Variants in MARCHF1 observed in about 807,000 individuals in gnomAD.
MARCHF1 encodes membrane associated ring-CH-type finger 1.
MARCHF1 carries 40 observed loss-of-function variants against 54.2 expected under a neutral mutation model. That is an observed-to-expected ratio of 0.74 (90% CI 0.57 to 0.96). MARCHF1 has a LOEUF of 0.96. Ranked by LOEUF, MARCHF1 falls within the 40% of genes least tolerant of loss-of-function variation. The probability of loss-of-function intolerance (pLI) is 0.00; values close to 1 mark genes in which losing one functional copy is unlikely to be tolerated. For missense variants in MARCHF1, 586 were observed against 656.5 expected (o/e 0.89, Z 1.17); for synonymous variants, 236 against 236.3 (o/e 1.00, Z 0.01).
intron 4 of MARCHF1, among the ~76,000 whole-genome samples, chr4:163,744,485 A>C (rs1394192956): frequency 1.3e-5 from 2 of 152,222 alleles, no homozygotes; most frequent in African/African-American, 4.8e-5. Flanking sequence ...CGGAATTTGC[A>C]GTTACTTAAG....
chr4:164,161,525 A>AATCATCATC (rs71600682), intron 1 of MARCHF1, among the ~76,000 whole-genome samples: 3,614 of 149,548 alleles, frequency 0.024, 59 homozygotes, highest in Non-Finnish European at 0.037. Flanking sequence ...GTGATATCAA[A>AATCATCATC]ATCATCATCA....
intron 1 of MARCHF1, among the ~76,000 whole-genome samples, chr4:164,122,094 A>G (rs982696035): frequency 1.3e-5 from 2 of 152,154 alleles, no homozygotes; most frequent in Non-Finnish European, 2.9e-5. Context: ...GACAAAAACC[A>G]TATGACCATT....
chr4:164,127,636 TAACTCACTTATTATAG>T, intron 1 of MARCHF1, among the ~76,000 whole-genome samples: 1 of 152,012 alleles, frequency 6.6e-6, no homozygotes, highest in Non-Finnish European at 1.5e-5. Flanking sequence ...TGAGAGGGAA[TAACTCACTTATTATAG>T]AAGTGATGAG....
chr4:164,315,722 GA>G (rs2111444598), intron 1 of MARCHF1, among the ~76,000 whole-genome samples: 1 of 152,292 alleles, frequency 6.6e-6, no homozygotes, highest in African/African-American at 2.4e-5. Context: ...CTAGAGCATT[GA>G]GAGGTATTGG....
At chr4:163,555,973 A>G in intron 8 of MARCHF1, 1 of 456,274 alleles carries the variant, frequency 2.2e-6, no homozygotes, top group Non-Finnish European at 4.4e-6. Flanking sequence ...AAGCACAGAC[A>G]CTGGGAAGAT....
At chr4:164,097,051 T>C (rs980835344) in intron 2 of MARCHF1, among the ~76,000 whole-genome samples, 74 of 152,174 alleles carry the variant, frequency 4.9e-4, no homozygotes, top group African/African-American at 1.8e-3. Flanking sequence ...CTGTTCACTA[T>C]AATTAAGACT....
At chr4:164,006,394 A>G (rs1753288638) in intron 2 of MARCHF1, among the ~76,000 whole-genome samples, 1 of 152,178 alleles carries the variant, frequency 6.6e-6, no homozygotes, top group Admixed American at 6.5e-5. Flanking sequence ...AAGCTTGAAG[A>G]CTAGCTATGT....
chr4:163,765,847 CATATAG>C (rs1309527201), intron 4 of MARCHF1, among the ~76,000 whole-genome samples: 3 of 143,956 alleles, frequency 2.1e-5, no homozygotes, highest in Non-Finnish European at 4.5e-5. Flanking sequence ...GATATAGATA[CATATAG>C]ATATATATAC....
At chr4:164,121,445 T>C (rs1036641348) in intron 1 of MARCHF1, among the ~76,000 whole-genome samples, 3 of 152,096 alleles carry the variant, frequency 2.0e-5, no homozygotes, top group African/African-American at 4.8e-5. Context: ...CACGTCCTTC[T>C]TCACAAGGCA....
chr4:164,012,941 C>T (rs1352251298), intron 2 of MARCHF1, among the ~76,000 whole-genome samples: 1 of 152,126 alleles, frequency 6.6e-6, no homozygotes, highest in Non-Finnish European at 1.5e-5. Context: ...CAAGCCCAGA[C>T]TGTGAAGATT....
intron 1 of MARCHF1, among the ~76,000 whole-genome samples, chr4:164,247,408 G>A (rs1460646045): frequency 1.3e-5 from 2 of 151,122 alleles, no homozygotes; most frequent in African/African-American, 4.9e-5. Context: ...ATTGAACAAT[G>A]AGATCACATG....
intron 4 of MARCHF1, among the ~76,000 whole-genome samples, chr4:163,848,562 A>T (rs1749551625): frequency 6.6e-6 from 1 of 152,146 alleles, no homozygotes; most frequent in South Asian, 2.1e-4. Context: ...CTCTCATTTT[A>T]AATTTAATAT....
At chr4:164,059,707 G>A (rs1048962781) in intron 2 of MARCHF1, among the ~76,000 whole-genome samples, 8 of 151,994 alleles carry the variant, frequency 5.3e-5, no homozygotes, top group Admixed American at 6.6e-5. Context: ...ATGATGCTGG[G>A]TATTTTTTTA....
chr4:163,791,964 T>C (rs1561079714), intron 4 of MARCHF1, among the ~76,000 whole-genome samples: 1 of 152,114 alleles, frequency 6.6e-6, no homozygotes, highest in African/African-American at 2.4e-5. Context: ...GCCCAGACAA[T>C]AACTGTTTCT....
At chr4:163,920,742 G>A (rs548466331) in intron 3 of MARCHF1, among the ~76,000 whole-genome samples, 1 of 152,198 alleles carries the variant, frequency 6.6e-6, no homozygotes, top group East Asian at 1.9e-4. Context: ...CTATAATTTT[G>A]TATTTTAATA....
rs36007870 is a variant in MARCHF1, at chr4:164,161,545, TCAGCAGCAG to T, written c.-322-49892_-322-49884del. Among the ~76,000 whole-genome samples the T allele has an allele frequency of 5.4e-4, 82 of 150,902 alleles. No individual in the cohort carries two copies. In the East Asian group the frequency reaches 8.3e-3, roughly 15 times the overall value. Reference sequence around the variant, plus strand: ...ATCAAAATCATCATCATCATCATCATCAGCAGCAGCAGCAGCAGCAGCAGCAGCAGGCCA... The same window carrying T: ...ATCAAAATCATCATCATCATCATCATCAGCAGCAGCAGCAGCAGCAGGCCA... On this transcript the variant is annotated intron_variant, in intron 1 of 9. Transcript: ENST00000514618.
intron 3 of MARCHF1, among the ~76,000 whole-genome samples, chr4:163,944,088 T>A (rs912193028): frequency 2.0e-5 from 3 of 150,176 alleles, no homozygotes; most frequent in Non-Finnish European, 4.4e-5. Context: ...TGCCTCAGCC[T>A]CCCGAGTGGC....
intron 1 of MARCHF1, among the ~76,000 whole-genome samples, chr4:164,364,700 T>C (rs971943973): frequency 6.6e-5 from 10 of 151,912 alleles, no homozygotes; most frequent in Middle Eastern, 3.2e-3. Flanking sequence ...TCCTTTTTTT[T>C]TTTAAATAAA....
intron 8 of MARCHF1, among the ~76,000 whole-genome samples, chr4:163,580,613 T>C (rs948954992): frequency 1.3e-5 from 2 of 152,288 alleles, no homozygotes; most frequent in African/African-American, 4.8e-5. Flanking sequence ...TTTCAAGATA[T>C]AGAAGTTGTT....
Sources: gnomAD v4.1 joint callset for allele counts (sites outside exome capture counted in the v4.1 genomes callset) on GRCh38, gnomAD v4.1.1 for gene constraint, MANE v1.5 for transcripts, NCBI Gene and HGNC (gene_info 2026-07-23, HGNC 2026-07-21) for gene names.